CLIP1: variants seen among roughly 807,000 people sequenced by gnomAD.
The protein encoded by CLIP1 is CAP-Gly domain-containing linker protein 1.
CLIP1 carries 66 observed loss-of-function variants against 161.6 expected under a neutral mutation model. That is an observed-to-expected ratio of 0.41 (90% CI 0.33 to 0.50). CLIP1 has a LOEUF of 0.50. Ranked by LOEUF, CLIP1 falls within the 20% of genes least tolerant of loss-of-function variation. The pLI, the probability that CLIP1 is intolerant of heterozygous loss-of-function variation, is 0.27. For missense variants in CLIP1, 1,376 were observed against 1,702.0 expected (o/e 0.81, Z 3.37); for synonymous variants, 598 against 626.2 (o/e 0.96, Z 0.67).
At chr12:122,401,881 C>T (rs898563117) in intron 1 of CLIP1, among the ~76,000 whole-genome samples, 1 of 151,932 alleles carries the variant, frequency 6.6e-6, no homozygotes, top group African/African-American at 2.4e-5. Flanking sequence ...CCTGTAATCC[C>T]AGCTACTCGG....
At chr12:122,421,166 ACTGGGTTAGG>A (rs1956927370) in intron 1 of CLIP1, among the ~76,000 whole-genome samples, 1 of 151,230 alleles carries the variant, frequency 6.6e-6, no homozygotes, top group African/African-American at 2.4e-5. Context: ...CAGCACGCTC[ACTGGGTTAGG>A]GTTGATTAAA....
chr12:122,279,144 C>G lies in CLIP1; in HGVS notation c.3649G>C (p.Glu1217Gln). Reference sequence around the variant, plus strand: ...TCTGCGTCTTTTATGAACTTGGATTCTCTAAAAGACCAAAGAGTTAAAAGT... The same window carrying G: ...TCTGCGTCTTTTATGAACTTGGATTGTCTAAAAGACCAAAGAGTTAAAAGT... ...NNQLLEMKKR[E>Q]SKFIKDADEE... Residue 1217 changes from glutamate (E) to glutamine (Q), a missense_variant and splice_region_variant, in exon 22 of 26, where the codon GAA becomes CAA. Around this residue, in one of 6 missense-constraint regions of CLIP1, gnomAD observed 948 missense variants for 1,134.8 expected, o/e 0.84. Transcript: ENST00000620786. This position sits in a 1 kb window ranked among gnomAD's most constrained non-coding sequence, Gnocchi z 4.5. 1 of 1,602,182 alleles carries G rather than the reference C, an allele frequency of 6.2e-7. No homozygotes were observed. The highest frequency in any genetic ancestry group is 1.1e-5 in the South Asian group (1 of 90,146).
intron 3 of CLIP1, among the ~76,000 whole-genome samples, chr12:122,368,376 C>T (rs375301055): frequency 4.6e-5 from 7 of 152,218 alleles, no homozygotes; most frequent in South Asian, 2.1e-4. Flanking sequence ...CCTTCCTGTA[C>T]GCTCCTGTAA....
In CLIP1 at chr12:122,422,622, G is replaced by A. The variant is rs1266631280; in HGVS notation, c.-208C>T. On this transcript the variant is annotated 5_prime_UTR_variant, in exon 1 of 26. Coordinates refer to ENST00000620786, the MANE Select transcript of CLIP1 (RefSeq NM_001247997.2). ...CCCGGCTCGTCGGCTCGGGGCGGGGGAGAGCGTGACGCGCCGCCGCCGCCG... is the reference window on the plus strand; with the variant it reads ...CCCGGCTCGTCGGCTCGGGGCGGGGAAGAGCGTGACGCGCCGCCGCCGCCG... 1.4e-5 allele frequency: 2 copies of A among 147,682 alleles called. No homozygotes were observed. The highest frequency in any genetic ancestry group is 3.0e-5 in the Non-Finnish European group (2 of 66,066). The allele number at this position is 147,682 out of a possible 1,614,324, so 9.1% of individuals were successfully genotyped here.
intron 5 of CLIP1, 46 bp downstream of exon 5, chr12:122,360,913 A>C: frequency 6.6e-7 from 1 of 1,514,912 alleles, no homozygotes. Context: ...CACGGGCCTT[A>C]ATCCTGCCTG....
chr12:122,336,197 CA>C (rs1431514251), intron 12 of CLIP1, among the ~76,000 whole-genome samples: 2 of 152,124 alleles, frequency 1.3e-5, no homozygotes, highest in African/African-American at 4.8e-5. Context: ...AATTAGACAG[CA>C]AGCATCCTGC....
chr12:122,290,809 C>A (rs1317142706), intron 20 of CLIP1, among the ~76,000 whole-genome samples: 9 of 151,910 alleles, frequency 5.9e-5, no homozygotes, highest in Admixed American at 5.9e-4. Flanking sequence ...AGGATTATTA[C>A]CCAATCTAGG....
chr12:122,388,947 T>C (rs1655215896), intron 1 of CLIP1, among the ~76,000 whole-genome samples: 1 of 152,174 alleles, frequency 6.6e-6, no homozygotes, highest in South Asian at 2.1e-4. Context: ...TTCTCAATGA[T>C]ATGGACATAA....
At chr12:122,413,489 GT>G (rs757269506) in intron 1 of CLIP1, among the ~76,000 whole-genome samples, 1 of 152,190 alleles carries the variant, frequency 6.6e-6, no homozygotes, top group Non-Finnish European at 1.5e-5. Flanking sequence ...AAGGGGCAGA[GT>G]TAAACTGGGA....
chr12:122,315,260 G>C (rs61954397), intron 19 of CLIP1, among the ~76,000 whole-genome samples: 6,743 of 152,286 alleles, frequency 0.044, 209 homozygotes, highest in Middle Eastern at 0.12. Context: ...ACAAACCCTT[G>C]AAGGGCAGGG....
At chr12:122,297,118 A>G (rs934978273) in intron 20 of CLIP1, among the ~76,000 whole-genome samples, 1 of 152,220 alleles carries the variant, frequency 6.6e-6, no homozygotes, top group African/African-American at 2.4e-5. Flanking sequence ...AGTGAAAGTG[A>G]TGCACAAATA....
chr12:122,373,432 G>GAA (rs202091201), intron 3 of CLIP1, among the ~76,000 whole-genome samples: 4 of 106,946 alleles, frequency 3.7e-5, no homozygotes, highest in South Asian at 2.8e-4. Flanking sequence ...TCAAAAAAAA[G>GAA]AAAAAAAAAA....
intron 15 of CLIP1, among the ~76,000 whole-genome samples, chr12:122,331,562 G>A (rs988425128): frequency 2.6e-5 from 4 of 151,532 alleles, no homozygotes; most frequent in Non-Finnish European, 4.4e-5. Flanking sequence ...CGATCTGCCC[G>A]CCTCAGCCTC....
chr12:122,279,029 T>A lies in CLIP1; in HGVS notation c.3764A>T (p.Glu1255Val). The A allele has an allele frequency of 6.2e-7, 1 of 1,611,476 alleles. No homozygotes were observed. The highest frequency in any genetic ancestry group is 8.5e-7 in the Non-Finnish European group (1 of 1,179,146). ...KDAELEKLRN[E>V]VTVLRGENAS... is the part of the protein sequence containing the mutation. ...CGTGCACCCTGGGTGGTACTCTACCTCATTTCTCAGTTTCTCCAGCTCGGC... is the reference window on the plus strand; with the variant it reads ...CGTGCACCCTGGGTGGTACTCTACCACATTTCTCAGTTTCTCCAGCTCGGC... The change falls in exon 22 of 26, where the codon GAG becomes GTG. Residue 1255 changes from glutamate (E) to valine (V), a missense_variant and splice_region_variant. This residue lies in a region of CLIP1 where 948 missense variants were observed against 1,134.8 expected (regional missense o/e 0.84). Transcript: ENST00000620786. This position sits in a 1 kb window ranked among gnomAD's most constrained non-coding sequence, Gnocchi z 4.5.
chr12:122,342,809 G>C (rs1401997541), intron 10 of CLIP1: 3 of 145,718 alleles, frequency 2.1e-5, no homozygotes, highest in Non-Finnish European at 4.5e-5. Flanking sequence ...CTGGGAGACA[G>C]AGCACGACTC....
intron 20 of CLIP1, among the ~76,000 whole-genome samples, chr12:122,288,808 C>CTT (rs200069106): frequency 0.011 from 1,283 of 114,332 alleles, 3 homozygotes; most frequent in African/African-American, 0.014. Context: ...CGAAGCACAT[C>CTT]TTTTTTTTTT....
intron 10 of CLIP1, 31 bp downstream of exon 10, chr12:122,347,344 G>A: frequency 1.3e-6 from 2 of 1,487,758 alleles, no homozygotes; most frequent in Non-Finnish European, 1.9e-6. Flanking sequence ...ACATGCATGG[G>A]TCTGCTTCAT....
At chr12:122,326,039 GAAT>G (rs1372158098) in intron 17 of CLIP1, among the ~76,000 whole-genome samples, 1 of 152,204 alleles carries the variant, frequency 6.6e-6, no homozygotes, top group Non-Finnish European at 1.5e-5. Context: ...TAAAAGTAGG[GAAT>G]AGGAGGCTTC....
At chr12:122,372,139 G>A (rs1954482204) in intron 3 of CLIP1, among the ~76,000 whole-genome samples, 1 of 151,984 alleles carries the variant, frequency 6.6e-6, no homozygotes. Context: ...AAAAAATACA[G>A]TCTGGGTGTG....
Sources: gnomAD v4.1 joint callset for allele counts (sites outside exome capture counted in the v4.1 genomes callset) on GRCh38, gnomAD v4.1.1 for gene constraint, gnomAD v4.1.1 regional missense constraint, Gnocchi (gnomAD v3.1) non-coding constraint, MANE v1.5 for transcripts, NCBI Gene and HGNC (gene_info 2026-07-23, HGNC 2026-07-21) for gene names.